The following DOCK4 variants were observed in gnomAD, a reference collection of about 807,000 sequenced individuals.
The protein encoded by DOCK4 is dedicator of cytokinesis 4.
Under a neutral mutation model 268.1 loss-of-function variants are expected in DOCK4, and 97 were observed. The observed-to-expected ratio is 0.36, with a 90% CI of 0.31 to 0.43. The LOEUF is 0.43. DOCK4 is among the 20% of genes least tolerant of loss of function. The pLI is 1.00. For missense variants in DOCK4, 2,145 were observed against 2,455.7 expected, an observed-to-expected ratio of 0.87 and a Z score of 2.67; for synonymous variants, 954 against 887.2, an observed-to-expected ratio of 1.08 and a Z score of -1.34.
intron 1 of DOCK4, among the ~76,000 whole-genome samples, chr7:112,101,834 T>C (rs1444949227): frequency 1.5e-5 from 2 of 129,214 alleles, no homozygotes; most frequent in Non-Finnish European, 3.6e-5. Context: ...AGACCTTTTC[T>C]TTTTCTTTTT....
At chr7:112,095,045 A>G (rs1809986948) in intron 1 of DOCK4, among the ~76,000 whole-genome samples, 1 of 152,202 alleles carries the variant, frequency 6.6e-6, no homozygotes, top group African/African-American at 2.4e-5. Flanking sequence ...TAGCAATGTA[A>G]GAACAGCCTA....
chr7:112,072,088 ATCT>A (rs1363230612), intron 1 of DOCK4, among the ~76,000 whole-genome samples: 6 of 152,212 alleles, frequency 3.9e-5, no homozygotes, highest in Non-Finnish European at 8.8e-5. Flanking sequence ...AATTCAAAAC[ATCT>A]TCTCTTTTCT....
intron 1 of DOCK4, among the ~76,000 whole-genome samples, chr7:112,155,484 T>C (rs1449619865): frequency 6.6e-6 from 1 of 152,216 alleles, no homozygotes; most frequent in Non-Finnish European, 1.5e-5. Context: ...AAATACATAG[T>C]TCATAGCATT....
At chr7:112,009,950 C>T (rs993230773) in intron 1 of DOCK4, among the ~76,000 whole-genome samples, 5 of 152,070 alleles carry the variant, frequency 3.3e-5, no homozygotes, top group South Asian at 4.1e-4. Flanking sequence ...CTCAGTAGCT[C>T]GGACTGAAAG....
intron 15 of DOCK4, among the ~76,000 whole-genome samples, chr7:111,898,223 C>A (rs1790820903): frequency 6.6e-6 from 1 of 152,186 alleles, no homozygotes. Context: ...CTTGCTATTC[C>A]TTGAAAAGGC....
chr7:112,190,680 A>C (rs973154059), intron 1 of DOCK4, among the ~76,000 whole-genome samples: 20 of 152,178 alleles, frequency 1.3e-4, no homozygotes, highest in Non-Finnish European at 2.4e-4. Context: ...AAAAACAAAA[A>C]AAAAAAATTA....
intron 1 of DOCK4, among the ~76,000 whole-genome samples, chr7:112,194,929 TGA>T (rs2116827667): frequency 6.6e-6 from 1 of 152,282 alleles, no homozygotes; most frequent in East Asian, 1.9e-4. Flanking sequence ...TAACTATGGA[TGA>T]GAGTATTAAT....
At chr7:111,991,772 TA>T (rs1255101456) in intron 5 of DOCK4, among the ~76,000 whole-genome samples, 1 of 151,620 alleles carries the variant, frequency 6.6e-6, no homozygotes, top group East Asian at 1.9e-4. Context: ...CCATCCTGGC[TA>T]ACACAGTGAA....
intron 22 of DOCK4, among the ~76,000 whole-genome samples, chr7:111,867,259 C>A (rs1036338986): frequency 3.3e-5 from 5 of 152,154 alleles, no homozygotes; most frequent in African/African-American, 1.2e-4. Context: ...TGTCCCAGTT[C>A]TCAATGATTA....
intron 1 of DOCK4, among the ~76,000 whole-genome samples, chr7:112,037,827 T>C (rs1036531976): frequency 8.5e-5 from 13 of 152,170 alleles, no homozygotes; most frequent in African/African-American, 3.1e-4. Context: ...TATTCTTTCA[T>C]AGGGTCTATA....
At chr7:112,130,700 C>T (rs1034999175) in intron 1 of DOCK4, among the ~76,000 whole-genome samples, 1 of 152,108 alleles carries the variant, frequency 6.6e-6, no homozygotes, top group African/African-American at 2.4e-5. Context: ...TCAAAATAAA[C>T]GTAGGTCATG....
intron 21 of DOCK4, 66 bp from the exon 22 acceptor site, chr7:111,868,220 C>T (rs934837721): frequency 2.0e-5 from 26 of 1,270,220 alleles, no homozygotes; most frequent in Middle Eastern, 1.9e-4. Context: ...AGCAATGACA[C>T]GGCATAAAAA....
At chr7:112,002,957 A>C (rs1014245341) in intron 2 of DOCK4, among the ~76,000 whole-genome samples, 2 of 151,502 alleles carry the variant, frequency 1.3e-5, no homozygotes, top group African/African-American at 4.9e-5. Flanking sequence ...AGGCTGAGGC[A>C]GGAGAATCAC....
intron 6 of DOCK4, among the ~76,000 whole-genome samples, chr7:111,985,180 A>G (rs540361581): frequency 5.1e-4 from 77 of 152,232 alleles, no homozygotes; most frequent in Non-Finnish European, 9.0e-4. Context: ...GATCCCCTCC[A>G]GGGCACCCAC....
At chr7:112,032,657 A>T (rs1803380650) in intron 1 of DOCK4, among the ~76,000 whole-genome samples, 1 of 152,208 alleles carries the variant, frequency 6.6e-6, no homozygotes, top group Non-Finnish European at 1.5e-5. Context: ...AAATTGCTGA[A>T]AAGTAGGCCA....
intron 29 of DOCK4, 120 bp from the exon 30 acceptor site, chr7:111,808,999 C>T: frequency 1.8e-6 from 2 of 1,088,778 alleles, no homozygotes; most frequent in South Asian, 2.8e-5. Flanking sequence ...TAATTAAAGA[C>T]ATTTAATATA....
chr7:111,905,886 A>C (rs1329427750), intron 13 of DOCK4, among the ~76,000 whole-genome samples: 2 of 152,192 alleles, frequency 1.3e-5, no homozygotes, highest in African/African-American at 4.8e-5. Flanking sequence ...TAACAGTCCT[A>C]GTAGCAACAG....
Position 111,913,704 on chromosome 7 carries a change from C to T in DOCK4, c.1192+2075G>A, listed in dbSNP as rs563699385. ...GATTACAGGCATGAGCCACCGCGCC[C>T]GGCCACAATTTTTTTTTTTTTTTTT... On this transcript the variant is annotated intron_variant, in intron 13 of 52. Coordinates refer to ENST00000428084, the MANE Select transcript of DOCK4 (RefSeq NM_001363540.2). Among the ~76,000 whole-genome samples the T allele has an allele frequency of 2.2e-4, 32 of 148,588 alleles. 1 individual carries two copies. The East Asian group carries it at 5.3e-3, about 24-fold the overall frequency.
intron 12 of DOCK4, among the ~76,000 whole-genome samples, chr7:111,933,290 ATATATATAT>A (rs1287912530): frequency 8.5e-6 from 1 of 117,188 alleles, no homozygotes; most frequent in Non-Finnish European, 1.8e-5. Context: ...ATATATATAT[ATATATATAT>A]TTTTTTTTTT....
Sources: allele counts gnomAD v4.1 joint callset (sites outside exome capture counted in the v4.1 genomes callset), GRCh38; gene constraint gnomAD v4.1.1; transcripts MANE v1.5; gene names NCBI Gene and HGNC (gene_info 2026-07-23, HGNC 2026-07-21).